Variants in ELMO1 observed in about 807,000 individuals in gnomAD.
ELMO1 encodes engulfment and cell motility protein 1.
ELMO1 carries 26 observed loss-of-function variants against 98.9 expected under a neutral mutation model. That is an observed-to-expected ratio of 0.26 (90% confidence interval 0.19 to 0.36). The LOEUF (loss-of-function observed/expected upper bound fraction) is 0.36, where lower values mean the gene tolerates loss of function less well. Among genes scored for constraint, ELMO1 ranks in the 10% least tolerant of loss-of-function variants. The pLI, the probability that ELMO1 is intolerant of heterozygous loss-of-function variation, is 1.00. For synonymous variants in ELMO1, 346 were observed against 346.0 expected (o/e 1.00, Z 0.00); for missense variants, 627 against 935.2 (o/e 0.67, Z 4.30).
At chr7:36,994,631 C>G (rs13240288) in intron 16 of ELMO1, among the ~76,000 whole-genome samples, 5,119 of 152,328 alleles carry the variant, frequency 0.034, 113 homozygotes, top group Middle Eastern at 0.099. Flanking sequence ...TCCTCCCACT[C>G]CTGCAATCTC....
chr7:36,959,454 C>T (rs184810026), intron 16 of ELMO1, among the ~76,000 whole-genome samples: 154 of 152,252 alleles, frequency 1.0e-3, no homozygotes, highest in Non-Finnish European at 1.4e-3. Flanking sequence ...AATAATACCC[C>T]AAAGTATGGC....
At chr7:37,019,655 T>C (rs1013239171) in intron 15 of ELMO1, among the ~76,000 whole-genome samples, 2 of 152,172 alleles carry the variant, frequency 1.3e-5, no homozygotes, top group Non-Finnish European at 2.9e-5. Context: ...CAATACTTAC[T>C]GAGAAAAAAG....
intron 14 of ELMO1, among the ~76,000 whole-genome samples, chr7:37,129,215 G>T (rs1378927200): frequency 6.6e-6 from 1 of 151,360 alleles, no homozygotes; most frequent in East Asian, 1.9e-4. Flanking sequence ...CACAGAGATA[G>T]GCTGTGGGCC....
intron 4 of ELMO1, among the ~76,000 whole-genome samples, chr7:37,275,075 C>G (rs955311146): frequency 2.0e-5 from 3 of 152,188 alleles, no homozygotes; most frequent in African/African-American, 7.2e-5. Flanking sequence ...TGAGAGGACT[C>G]AAACCCAGGT....
At chr7:37,381,273 G>A (rs1168880954) in intron 1 of ELMO1, among the ~76,000 whole-genome samples, 1 of 152,210 alleles carries the variant, frequency 6.6e-6, no homozygotes, top group African/African-American at 2.4e-5. Flanking sequence ...TTCACAGTCC[G>A]TGTCATTCAT....
At chr7:36,948,449 C>G (rs1787690241) in intron 16 of ELMO1, among the ~76,000 whole-genome samples, 2 of 152,304 alleles carry the variant, frequency 1.3e-5, no homozygotes, top group Middle Eastern at 3.4e-3. Context: ...AAAGGTTCTA[C>G]AGAGCACATC....
At chr7:36,986,635 T>C (rs1791531553) in intron 16 of ELMO1, 1 of 152,148 alleles carries the variant, frequency 6.6e-6, no homozygotes, top group Non-Finnish European at 1.5e-5. Flanking sequence ...AGACCCATAA[T>C]CAACTGCAAT....
At position 37,409,132 on chromosome 7, in the gene ELMO1, G is replaced by GAAAA. The variant is rs34728296; in HGVS notation, c.-74+39539_-74+39542dup. Among the ~76,000 whole-genome samples, 77 of 138,442 alleles carry GAAAA rather than the reference G, an allele frequency of 5.6e-4. No homozygotes were observed. In the East Asian group the frequency reaches 6.9e-3, roughly 12 times the overall value. 90.8% of individuals were successfully genotyped at this position (138,442 alleles called of 152,430 possible). ...TGACACACAGCAGAGTTTTGCAAGT[G>GAAAA]AAAAAAAAAAAAAAGTGAACAAAAT... On this transcript the variant is annotated intron_variant, in intron 1 of 21. Coordinates refer to ENST00000310758, the MANE Select transcript of ELMO1 (RefSeq NM_014800.11).
At chr7:37,030,724 T>C (rs1406867956) in intron 15 of ELMO1, among the ~76,000 whole-genome samples, 4 of 152,206 alleles carry the variant, frequency 2.6e-5, no homozygotes, top group Non-Finnish European at 5.9e-5. Flanking sequence ...CATAGATTTG[T>C]TTTTTGTTTT....
chr7:36,868,177 AT>A (rs1250675973), intron 20 of ELMO1, among the ~76,000 whole-genome samples: 1 of 152,072 alleles, frequency 6.6e-6, no homozygotes, highest in Admixed American at 6.6e-5. Flanking sequence ...TAACTCATGG[AT>A]TTTGATATCT....
At chr7:36,946,522 G>A (rs896687954) in intron 16 of ELMO1, among the ~76,000 whole-genome samples, 28 of 152,196 alleles carry the variant, frequency 1.8e-4, no homozygotes, top group African/African-American at 6.0e-4. Flanking sequence ...TAGTTAAAAT[G>A]AGAATGGCAT....
At chr7:37,351,786 G>A (rs1041216183) in intron 1 of ELMO1, among the ~76,000 whole-genome samples, 1 of 152,194 alleles carries the variant, frequency 6.6e-6, no homozygotes, top group Non-Finnish European at 1.5e-5. Context: ...AGGCAAAACA[G>A]ACTGAAGTTA....
intron 5 of ELMO1, among the ~76,000 whole-genome samples, chr7:37,265,168 G>C (rs2130821317): frequency 6.6e-6 from 1 of 152,240 alleles, no homozygotes; most frequent in Admixed American, 6.5e-5. Flanking sequence ...AGCACCAGCT[G>C]CTGGCATCTC....
chr7:37,004,066 A>AT (rs34475287), intron 16 of ELMO1, among the ~76,000 whole-genome samples: 35,537 of 151,916 alleles, frequency 0.23, 4,955 homozygotes, highest in Middle Eastern at 0.42. Context: ...CAAGATAAAT[A>AT]TTTTTTTTAA....
chr7:37,228,243 T>C lies in ELMO1; in HGVS notation c.550-3213A>G, dbSNP rs1293955276. 2.0e-5 allele frequency among the ~76,000 whole-genome samples: 3 copies of C among 152,358 alleles called. No individual in the cohort carries two copies. The East Asian group carries it at 5.8e-4, about 29-fold the overall frequency. On this transcript the variant is annotated intron_variant, in intron 8 of 21. Transcript: ENST00000310758. Reference sequence around the variant, plus strand: ...CAGGGAGCTTGAGACCAACTCCTTATAACTGAATGTATAAATTAGTTAATG... The same window carrying C: ...CAGGGAGCTTGAGACCAACTCCTTACAACTGAATGTATAAATTAGTTAATG...
At chr7:36,936,140 A>G (rs918163389) in intron 16 of ELMO1, among the ~76,000 whole-genome samples, 2 of 152,144 alleles carry the variant, frequency 1.3e-5, no homozygotes, top group African/African-American at 4.8e-5. Context: ...TATTTGGTTC[A>G]GAAATAGAAG....
At chr7:36,945,807 T>TAGA (rs1562845738) in intron 16 of ELMO1, among the ~76,000 whole-genome samples, 1 of 152,194 alleles carries the variant, frequency 6.6e-6, no homozygotes, top group Non-Finnish European at 1.5e-5. Context: ...CTAGAGTGAC[T>TAGA]GTATCTCACT....
At chr7:36,886,940 G>A (rs1805059669) in intron 18 of ELMO1, among the ~76,000 whole-genome samples, 1 of 152,222 alleles carries the variant, frequency 6.6e-6, no homozygotes, top group Non-Finnish European at 1.5e-5. Context: ...AAGAGAAGCA[G>A]TGTGGGAGAT....
intron 15 of ELMO1, among the ~76,000 whole-genome samples, chr7:37,077,307 A>G (rs113928226): frequency 8.1e-4 from 124 of 152,354 alleles, no homozygotes; most frequent in Admixed American, 2.1e-3. Context: ...AGAGAGGCTG[A>G]GAAGTGGGTC....
Sources: gnomAD v4.1 joint callset for allele counts (sites outside exome capture counted in the v4.1 genomes callset) on GRCh38, gnomAD v4.1.1 for gene constraint, MANE v1.5 for transcripts, NCBI Gene and HGNC (gene_info 2026-07-23, HGNC 2026-07-21) for gene names.